LRRC4B: variants seen among roughly 807,000 people sequenced by gnomAD.
LRRC4B encodes leucine-rich repeat-containing protein 4B.
LRRC4B carries 1 observed loss-of-function variant against 7.3 expected under a neutral mutation model. That is an observed-to-expected ratio of 0.14 (90% CI 0.05 to 0.65). LRRC4B has a LOEUF of 0.65. Among genes scored for constraint, LRRC4B ranks in the 30% least tolerant of loss-of-function variants. The pLI is 0.84. For synonymous variants in LRRC4B, 500 were observed against 499.2 expected (o/e 1.00, Z -0.02); for missense variants, 730 against 1,041.6 (o/e 0.70, Z 4.12).
intron 2 of LRRC4B, among the ~76,000 whole-genome samples, chr19:50,546,112 A>G (rs1465047563): frequency 1.3e-5 from 2 of 151,954 alleles, no homozygotes; most frequent in East Asian, 3.9e-4. Flanking sequence ...AGGCGGGTGG[A>G]TCACCTGAGG....
rs531241417 is a variant in LRRC4B at position 50,548,328 on chromosome 19, A to G, written c.297+214T>C. ...CTTGGGCCCCGACACGGTGGCTCAG[A>G]GACAGGGAGCACTGTGCTCTCAAAG... On this transcript the variant is annotated intron_variant, in intron 2 of 2. Transcript: ENST00000652263. This position sits in a 1 kb window ranked among gnomAD's most constrained non-coding sequence, Gnocchi z 6.8. Among the ~76,000 whole-genome samples, 117 of 152,324 alleles carry G rather than the reference A, an allele frequency of 7.7e-4. No individual in the cohort carries two copies. The highest frequency in any genetic ancestry group is 2.7e-3 in the African/African-American group (112 of 41,578).
rs888526749 is a variant in LRRC4B, at chr19:50,522,862, G to C, written c.298-3447C>G. Among the ~76,000 whole-genome samples the C allele has an allele frequency of 4.6e-5, 7 of 152,198 alleles. 1 individual carries two copies. In the South Asian group the frequency reaches 1.0e-3, roughly 23 times the overall value. On this transcript the variant is annotated intron_variant, in intron 2 of 2. Coordinates refer to ENST00000652263, the MANE Select transcript of LRRC4B (RefSeq NM_001080457.2). ...AATTCCCATGTTTCAAGACCACTAAGATATTATAAAACCTATACTATCTAT... is the reference window on the plus strand; with the variant it reads ...AATTCCCATGTTTCAAGACCACTAACATATTATAAAACCTATACTATCTAT...
Position 50,553,449 on chromosome 19 carries a change from C to T in LRRC4B, c.-35-4576G>A, listed in dbSNP as rs756913534. 5.3e-5 allele frequency among the ~76,000 whole-genome samples: 8 copies of T among 152,210 alleles called. No individual in the cohort carries two copies. Among genetic ancestry groups the T allele is most frequent in the Admixed American group, 6.5e-5 (1 of 15,276 alleles). On this transcript the variant is annotated intron_variant, in intron 1 of 2. Coordinates refer to ENST00000652263, the MANE Select transcript of LRRC4B (RefSeq NM_001080457.2). This position sits in a 1 kb window ranked among gnomAD's most constrained non-coding sequence, Gnocchi z 4.2. The stretch of plus-strand genomic sequence containing the variant: ...CTCACTCGCTGTTTCCAGAACAGGC[C>T]GTGCACACCCCGGCCCCAGGGCCTT...
intron 1 of LRRC4B, among the ~76,000 whole-genome samples, chr19:50,567,216 G>A (rs1982657880): frequency 6.6e-6 from 1 of 151,516 alleles, no homozygotes; most frequent in African/African-American, 2.4e-5. Flanking sequence ...AGAGACACGT[G>A]CCCAAGGATA....
intron 2 of LRRC4B, among the ~76,000 whole-genome samples, chr19:50,529,949 C>T (rs1315380499): frequency 6.6e-6 from 1 of 151,962 alleles, no homozygotes; most frequent in Non-Finnish European, 1.5e-5. Context: ...CCCACCCTCC[C>T]CTCCCTCCCT....
At position 50,532,028 on chromosome 19, in the gene LRRC4B, G is replaced by A. The variant is rs575488511; in HGVS notation, c.298-12613C>T. Among the ~76,000 whole-genome samples, 423 of 152,274 alleles carry A rather than the reference G, an allele frequency of 2.8e-3. 2 individuals carry two copies. The highest frequency in any genetic ancestry group is 4.5e-3 in the Non-Finnish European group (309 of 68,026). On this transcript the variant is annotated intron_variant, in intron 2 of 2. Transcript: ENST00000652263. ...GCTTGAGCTCAGGAGTTCGAGACCA[G>A]CCTGTCCAACATGGTGAAACCTCGT...
Position 50,517,802 on chromosome 19 carries a change from G to GGCGGCCGCGGCGGCCACGGAC in LRRC4B, c.1890_1910dup (p.Ser631_Ala637dup), listed in dbSNP as rs1980352509. ...CGCCCACACCACCCCCACTGGCCAC[G>GGCGGCCGCGGCGGCCACGGAC]GCGGCCGCGGCGGCCACGGACACGG... On this transcript the variant is annotated inframe_insertion, in exon 3 of 3. Transcript: ENST00000652263. This position sits in a 1 kb window ranked among gnomAD's most constrained non-coding sequence, Gnocchi z 6.6. 1 of 1,538,438 alleles carries GGCGGCCGCGGCGGCCACGGAC rather than the reference G, an allele frequency of 6.5e-7. No homozygotes were observed. Among genetic ancestry groups the GGCGGCCGCGGCGGCCACGGAC allele is most frequent in the African/African-American group, 1.4e-5 (1 of 71,380 alleles).
chr19:50,557,697 T>C (rs1475570236), intron 1 of LRRC4B: 1 of 34,958 alleles, frequency 2.9e-5, no homozygotes, highest in Non-Finnish European at 5.7e-5. Flanking sequence ...CTGGGAGGGC[T>C]GGGTGGGGGG....
chr19:50,554,392 A>G (rs1982202604), intron 1 of LRRC4B, among the ~76,000 whole-genome samples: 1 of 151,964 alleles, frequency 6.6e-6, no homozygotes, highest in Non-Finnish European at 1.5e-5. Context: ...CCGGATGGCT[A>G]AGTCCCAGAT....
rs141438289 is a variant in LRRC4B, at chr19:50,547,909, G to A, written c.297+633C>T. On this transcript the variant is annotated intron_variant, in intron 2 of 2. Transcript: ENST00000652263. The stretch of plus-strand genomic sequence containing the variant: ...CCACCATGGCGCCAAGCACCACAGC[G>A]TTCTCAGCCTCTCTGCTCTCCAATT... Among the ~76,000 whole-genome samples the A allele has an allele frequency of 4.4e-3, 662 of 151,988 alleles. 6 individuals are homozygous for A. The highest frequency in any genetic ancestry group is 0.015 in the African/African-American group (629 of 41,422).
chr19:50,534,747 A>T (rs1217314896), intron 2 of LRRC4B, among the ~76,000 whole-genome samples: 1 of 152,252 alleles, frequency 6.6e-6, no homozygotes, highest in African/African-American at 2.4e-5. Flanking sequence ...GCTGAAAAAA[A>T]TCCCACTGAG....
intron 2 of LRRC4B, among the ~76,000 whole-genome samples, chr19:50,520,203 C>CAAAAAAAA (rs1173919963): frequency 2.1e-4 from 2 of 9,376 alleles, no homozygotes; most frequent in Non-Finnish European, 3.8e-4. Context: ...AATACCCTGT[C>CAAAAAAAA]AAAAAAAAAA....
At chr19:50,523,298 G>A (rs1215340059) in intron 2 of LRRC4B, among the ~76,000 whole-genome samples, 1 of 150,996 alleles carries the variant, frequency 6.6e-6, no homozygotes, top group African/African-American at 2.5e-5. Flanking sequence ...AGTATTAACG[G>A]AGGAAACTGA....
In LRRC4B at chr19:50,537,978, G is replaced by A. The variant is rs1031855793; in HGVS notation, c.297+10564C>T. ...TGCTGGTCGCAGGCCCGCGGCTGGG[G>A]AATGTCCCAGTTGACCTCAAGAGAG... On this transcript the variant is annotated intron_variant, in intron 2 of 2. Transcript: ENST00000652263. The surrounding 1 kb of genome is among the most constrained non-coding windows in gnomAD (Gnocchi z 5.5). 6.6e-6 allele frequency among the ~76,000 whole-genome samples: 1 copy of A among 152,192 alleles called. No individual in the cohort carries two copies. The highest frequency in any genetic ancestry group is 2.4e-5 in the African/African-American group (1 of 41,462).
At position 50,519,010 on chromosome 19, in the gene LRRC4B, C is replaced by G; in HGVS notation, c.703G>C (p.Glu235Gln). The G allele has an allele frequency of 6.2e-7, 1 of 1,612,132 alleles. No individual in the cohort carries two copies. Among genetic ancestry groups the G allele is most frequent in the Non-Finnish European group, 8.5e-7 (1 of 1,179,736 alleles). Residue 235 changes from glutamate (E) to glutamine (Q), a missense_variant, in exon 3 of 3, where the codon GAG becomes CAG. Physicochemically the swap from Glu to Gln is conservative, Grantham distance 29. Transcript: ENST00000652263. The surrounding 1 kb of genome is among the most constrained non-coding windows in gnomAD (Gnocchi z 8.1). ...AGGTCCAGCCGGTTGCCCGACAGCT[C>G]CAGCTCCTCCAGGCGCACCAGGGCC... is the stretch of plus-strand genomic sequence containing the variant. ...LTALVRLEEL[E>Q]LSGNRLDLIR...
chr19:50,529,447 G>A (rs1045889430), intron 2 of LRRC4B, among the ~76,000 whole-genome samples: 1 of 152,180 alleles, frequency 6.6e-6, no homozygotes, highest in African/African-American at 2.4e-5. Flanking sequence ...AATAGTAACA[G>A]GAGGAGGAGG....
At position 50,519,502 on chromosome 19, in the gene LRRC4B, G is replaced by A; in HGVS notation, c.298-87C>T. On this transcript the variant is annotated intron_variant, in intron 2 of 2. Transcript: ENST00000652263. The surrounding 1 kb of genome is among the most constrained non-coding windows in gnomAD (Gnocchi z 8.1). ...CAAGGTCCCGGGCGCAGGTGGGGCC[G>A]TGTGGCTGGATCTCCCGTGCTGTGC... The A allele has an allele frequency of 6.9e-7, 1 of 1,452,634 alleles. No homozygotes were observed. The highest frequency in any genetic ancestry group is 9.0e-7 in the Non-Finnish European group (1 of 1,106,248). 90.0% of individuals were successfully genotyped at this position (1,452,634 alleles called of 1,614,324 possible).
At chr19:50,562,532 C>A (rs982440337) in intron 1 of LRRC4B, among the ~76,000 whole-genome samples, 2 of 152,154 alleles carry the variant, frequency 1.3e-5, no homozygotes, top group African/African-American at 4.8e-5. Flanking sequence ...TGCGTTTACC[C>A]CCTGGGGCTG....
rs1182041424 is a variant in LRRC4B, at chr19:50,553,839, C to T, written c.-35-4966G>A. Among the ~76,000 whole-genome samples, 1 of 151,890 alleles carries T rather than the reference C, an allele frequency of 6.6e-6. No individual in the cohort carries two copies. Among genetic ancestry groups the T allele is most frequent in the Non-Finnish European group, 1.5e-5 (1 of 67,978 alleles). On this transcript the variant is annotated intron_variant, in intron 1 of 2. Coordinates refer to ENST00000652263, the MANE Select transcript of LRRC4B (RefSeq NM_001080457.2). This position sits in a 1 kb window ranked among gnomAD's most constrained non-coding sequence, Gnocchi z 4.2. ...TTATCATCACTGTGAGTCTATTTCC[C>T]CCCACGCTCACACACAGATACCCCC... is the stretch of plus-strand genomic sequence containing the variant.
Sources: allele counts gnomAD v4.1 joint callset (sites outside exome capture counted in the v4.1 genomes callset), GRCh38; gene constraint gnomAD v4.1.1; non-coding constraint Gnocchi (gnomAD v3.1); transcripts MANE v1.5; gene names NCBI Gene and HGNC (gene_info 2026-07-23, HGNC 2026-07-21).